The following DIAPH3 variants were observed in gnomAD, a reference collection of about 807,000 sequenced individuals.
The protein encoded by DIAPH3 is protein diaphanous homolog 3.
Under a neutral mutation model 144.3 loss-of-function variants are expected in DIAPH3, and 117 were observed. The ratio of observed to expected loss-of-function variants is 0.81; its 90% CI spans 0.70 to 0.95. The LOEUF is 0.95. DIAPH3 is among the 40% of genes least tolerant of loss of function. The probability of loss-of-function intolerance (pLI) is 0.00; values close to 1 mark genes in which losing one functional copy is unlikely to be tolerated. For missense variants in DIAPH3, 1,421 were observed against 1,412.7 expected (o/e 1.01, Z -0.09); for synonymous variants, 519 against 488.9 (o/e 1.06, Z -0.81).
At chr13:59,953,661 G>A (rs2049220274) in intron 17 of DIAPH3, among the ~76,000 whole-genome samples, 2 of 152,220 alleles carry the variant, frequency 1.3e-5, no homozygotes, top group Admixed American at 6.5e-5. Context: ...TGTTACTGGA[G>A]TAAACGATGT....
intron 20 of DIAPH3, among the ~76,000 whole-genome samples, chr13:59,896,061 C>T (rs1357356119): frequency 1.3e-5 from 2 of 152,162 alleles, no homozygotes; most frequent in African/African-American, 2.4e-5. Context: ...TGCCTAAAAA[C>T]AACACAGTGT....
chr13:60,077,584 G>C (rs180707243), intron 4 of DIAPH3, among the ~76,000 whole-genome samples: 67 of 152,192 alleles, frequency 4.4e-4, no homozygotes, highest in Non-Finnish European at 7.4e-4. Context: ...AGTACTCTAA[G>C]AGAAGTGAAT....
intron 27 of DIAPH3, among the ~76,000 whole-genome samples, chr13:59,709,569 G>C (rs1299465529): frequency 1.3e-5 from 2 of 152,160 alleles, no homozygotes; most frequent in African/African-American, 4.8e-5. Context: ...CAGTTAGAAT[G>C]GCAATCATTA....
At chr13:59,928,611 C>T (rs1026844584) in intron 17 of DIAPH3, among the ~76,000 whole-genome samples, 1 of 152,156 alleles carries the variant, frequency 6.6e-6, no homozygotes, top group African/African-American at 2.4e-5. Context: ...TGGGAGCAGC[C>T]ACATAGTCTC....
chr13:59,782,943 G>T (rs2038818984), intron 25 of DIAPH3, among the ~76,000 whole-genome samples: 1 of 152,120 alleles, frequency 6.6e-6, no homozygotes, highest in Non-Finnish European at 1.5e-5. Context: ...ACGCTGCGAG[G>T]TGAAGGTGAA....
intron 20 of DIAPH3, among the ~76,000 whole-genome samples, chr13:59,902,930 T>G (rs1035030750): frequency 2.0e-5 from 3 of 152,200 alleles, no homozygotes; most frequent in African/African-American, 7.2e-5. Flanking sequence ...AATGAAAGAT[T>G]TCCAGACAAG....
At chr13:60,069,949 G>C (rs973109150) in intron 4 of DIAPH3, among the ~76,000 whole-genome samples, 3 of 152,018 alleles carry the variant, frequency 2.0e-5, no homozygotes, top group African/African-American at 7.2e-5. Context: ...GGATTGTCTT[G>C]GCTATTCAAG....
At chr13:59,932,614 C>T (rs1181480926) in intron 17 of DIAPH3, among the ~76,000 whole-genome samples, 2 of 152,084 alleles carry the variant, frequency 1.3e-5, no homozygotes, top group Non-Finnish European at 2.9e-5. Flanking sequence ...ACCAATTCTA[C>T]CTTTTGAAAA....
chr13:59,760,224 G>T (rs150879485), intron 27 of DIAPH3, among the ~76,000 whole-genome samples: 2 of 152,068 alleles, frequency 1.3e-5, no homozygotes, highest in Non-Finnish European at 2.9e-5. Flanking sequence ...AATTTTAAAA[G>T]ATCTTTTTCT....
intron 9 of DIAPH3, among the ~76,000 whole-genome samples, chr13:60,000,972 G>A (rs757938431): frequency 2.0e-5 from 3 of 152,166 alleles, no homozygotes; most frequent in Non-Finnish European, 2.9e-5. Context: ...GACACTAGGA[G>A]ATTTGTGGTC....
At chr13:60,076,410 T>C (rs1482138376) in intron 4 of DIAPH3, among the ~76,000 whole-genome samples, 1 of 152,196 alleles carries the variant, frequency 6.6e-6, no homozygotes, top group Non-Finnish European at 1.5e-5. Context: ...GACAGGCTAA[T>C]GGTAGCACAA....
intron 8 of DIAPH3, among the ~76,000 whole-genome samples, chr13:60,009,510 C>A (rs1355060255): frequency 1.3e-5 from 2 of 152,110 alleles, no homozygotes; most frequent in African/African-American, 4.8e-5. Flanking sequence ...AAGGGAAGCT[C>A]AGAAAGTATC....
intron 27 of DIAPH3, among the ~76,000 whole-genome samples, chr13:59,705,747 A>T (rs1001252348): frequency 6.6e-6 from 1 of 152,224 alleles, no homozygotes; most frequent in Non-Finnish European, 1.5e-5. Flanking sequence ...GAATATAGGG[A>T]TCAACAACTA....
At chr13:59,752,082 C>G (rs369616693) in intron 27 of DIAPH3, among the ~76,000 whole-genome samples, 116 of 152,270 alleles carry the variant, frequency 7.6e-4, no homozygotes, top group African/African-American at 2.4e-3. Context: ...AGTCTCTTTC[C>G]CAGCCAATAT....
chr13:59,876,448 T>G (rs1362693976), intron 21 of DIAPH3, among the ~76,000 whole-genome samples: 5 of 152,190 alleles, frequency 3.3e-5, no homozygotes, highest in African/African-American at 9.7e-5. Flanking sequence ...CTAACTGTAG[T>G]AAAAGAATAA....
chr13:60,133,516 G>C (rs2059194192), intron 1 of DIAPH3, among the ~76,000 whole-genome samples: 1 of 152,086 alleles, frequency 6.6e-6, no homozygotes, highest in Non-Finnish European at 1.5e-5. Flanking sequence ...TAGTAACAGA[G>C]AAGAATGTAC....
intron 27 of DIAPH3, among the ~76,000 whole-genome samples, chr13:59,734,875 T>C (rs1000393052): frequency 8.5e-5 from 13 of 152,156 alleles, no homozygotes; most frequent in Non-Finnish European, 1.9e-4. Flanking sequence ...CTGTAAGTAA[T>C]CCCATAATAC....
intron 14 of DIAPH3, among the ~76,000 whole-genome samples, chr13:59,980,286 G>A (rs931075476): frequency 1.3e-5 from 2 of 151,518 alleles, no homozygotes; most frequent in Non-Finnish European, 1.5e-5. Context: ...CTAAAAGCAA[G>A]TTAACTTTTC....
At chr13:59,796,399 T>A (rs1229309419) in intron 25 of DIAPH3, among the ~76,000 whole-genome samples, 1 of 152,228 alleles carries the variant, frequency 6.6e-6, no homozygotes, top group Non-Finnish European at 1.5e-5. Flanking sequence ...TGAGCTCTGT[T>A]CTTAATAGAC....
Sources: allele counts gnomAD v4.1 joint callset (sites outside exome capture counted in the v4.1 genomes callset), GRCh38; gene constraint gnomAD v4.1.1; transcripts MANE v1.5; gene names NCBI Gene and HGNC (gene_info 2026-07-23, HGNC 2026-07-21).